The following ALDH7A1 variants were observed in gnomAD, a reference collection of about 807,000 sequenced individuals.
ALDH7A1 encodes aldehyde dehydrogenase 7 family member A1, also known as alpha-aminoadipic semialdehyde dehydrogenase.
In ALDH7A1, 63 loss-of-function variants were observed where a neutral mutation model predicts 79.9. The ratio of observed to expected loss-of-function variants is 0.79; its 90% CI spans 0.64 to 0.97. The LOEUF is 0.97. Among genes scored for constraint, ALDH7A1 ranks in the 50% least tolerant of loss-of-function variants. The probability of loss-of-function intolerance (pLI) is 0.00; values close to 1 mark genes in which losing one functional copy is unlikely to be tolerated. For synonymous variants in ALDH7A1, 240 were observed against 231.2 expected, an observed-to-expected ratio of 1.04 and a Z score of -0.34; for missense variants, 627 against 665.2, an observed-to-expected ratio of 0.94 and a Z score of 0.63.
chr5:126,559,400 T>C, intron 10 of ALDH7A1, 66 bp from the exon 11 acceptor site: 1 of 1,187,156 alleles, frequency 8.4e-7, no homozygotes, highest in Non-Finnish European at 1.3e-6. Context: ...TGTTAGCTGG[T>C]ATAAAACAAT....
chr5:126,546,081 C>T (rs1356231119), intron 17 of ALDH7A1, among the ~76,000 whole-genome samples: 3 of 152,172 alleles, frequency 2.0e-5, no homozygotes, highest in Non-Finnish European at 4.4e-5. Flanking sequence ...AACCCCAACT[C>T]TACTAAAAAT....
chr5:126,591,826 T>C (rs1305178263), intron 3 of ALDH7A1: 1 of 151,558 alleles, frequency 6.6e-6, no homozygotes, highest in Non-Finnish European at 1.5e-5. Context: ...TAACCAATGG[T>C]GGAGACTCAG....
At chr5:126,579,813 A>G (rs1284990706) in intron 5 of ALDH7A1, among the ~76,000 whole-genome samples, 2 of 152,138 alleles carry the variant, frequency 1.3e-5, no homozygotes, top group Admixed American at 1.3e-4. Flanking sequence ...TTTTTAAATT[A>G]GCTGGGCTTG....
intron 9 of ALDH7A1, among the ~76,000 whole-genome samples, chr5:126,565,371 C>A (rs1432683713): frequency 3.7e-5 from 4 of 108,888 alleles, no homozygotes; most frequent in Non-Finnish European, 6.7e-5. Flanking sequence ...CCAGCCTGGG[C>A]AACAGAGCGT....
intron 5 of ALDH7A1, among the ~76,000 whole-genome samples, chr5:126,579,536 T>C (rs530111584): frequency 6.9e-4 from 105 of 152,252 alleles, no homozygotes; most frequent in African/African-American, 2.5e-3. Flanking sequence ...GACTATGCCT[T>C]ATAGCTCGAG....
chr5:126,560,138 T>A (rs931320251), intron 10 of ALDH7A1, among the ~76,000 whole-genome samples: 2 of 152,148 alleles, frequency 1.3e-5, no homozygotes, highest in African/African-American at 4.8e-5. Flanking sequence ...TAGTGCTCAC[T>A]AAATGCGAAC....
At chr5:126,557,024 A>G (rs1281152433) in intron 11 of ALDH7A1, among the ~76,000 whole-genome samples, 2 of 152,234 alleles carry the variant, frequency 1.3e-5, no homozygotes. Flanking sequence ...GCTCCAAAAC[A>G]CATGAAAAAA....
intron 6 of ALDH7A1, among the ~76,000 whole-genome samples, chr5:126,576,659 C>A (rs954384889): frequency 3.3e-5 from 5 of 152,206 alleles, no homozygotes; most frequent in Non-Finnish European, 7.3e-5. Flanking sequence ...GGTGCAATGG[C>A]TAATACCTGT....
intron 9 of ALDH7A1, among the ~76,000 whole-genome samples, chr5:126,567,454 A>G (rs892579957): frequency 3.3e-5 from 5 of 152,198 alleles, no homozygotes; most frequent in Non-Finnish European, 7.3e-5. Flanking sequence ...ACCCATTTAG[A>G]GAGAAAATGA....
chr5:126,563,806 T>G (rs1412189545), intron 9 of ALDH7A1, among the ~76,000 whole-genome samples: 1 of 151,818 alleles, frequency 6.6e-6, no homozygotes, highest in East Asian at 1.9e-4. Context: ...TTTTTTTTTC[T>G]TTCTTTCTTT....
At chr5:126,563,818 T>C (rs895535469) in intron 9 of ALDH7A1, among the ~76,000 whole-genome samples, 1 of 152,000 alleles carries the variant, frequency 6.6e-6, no homozygotes, top group Non-Finnish European at 1.5e-5. Flanking sequence ...TCTTTCTTTT[T>C]TCAAGAGTCA....
At chr5:126,552,718 G>A (rs1042476263) in intron 13 of ALDH7A1, among the ~76,000 whole-genome samples, 1 of 151,726 alleles carries the variant, frequency 6.6e-6, no homozygotes, top group Non-Finnish European at 1.5e-5. Flanking sequence ...TTTATATGTG[G>A]GGGGTTTTTT....
At chr5:126,571,082 C>G in intron 7 of ALDH7A1, 2 of 490,774 alleles carry the variant, frequency 4.1e-6, no homozygotes, top group Non-Finnish European at 7.5e-6. Context: ...GTCCTTCTGT[C>G]CTCAAACATT....
intron 12 of ALDH7A1, chr5:126,554,726 G>A: frequency 2.7e-6 from 1 of 373,894 alleles, no homozygotes; most frequent in Non-Finnish European, 5.1e-6. Context: ...TAAAGGAATG[G>A]CTATCAATTA....
At chr5:126,593,457 T>C in intron 1 of ALDH7A1, 53 bp from the exon 2 acceptor site, 1 of 1,610,096 alleles carries the variant, frequency 6.2e-7, no homozygotes, top group Admixed American at 1.7e-5. Context: ...CCTTTTGAAG[T>C]AAGGGAATAG....
At chr5:126,564,819 C>T (rs1317507837) in intron 9 of ALDH7A1, among the ~76,000 whole-genome samples, 2 of 152,146 alleles carry the variant, frequency 1.3e-5, no homozygotes, top group African/African-American at 4.8e-5. Context: ...TGATGTTTGG[C>T]AGAAGAGGAG....
chr5:126,548,880 T>G (rs1581355536), intron 16 of ALDH7A1, among the ~76,000 whole-genome samples: 2 of 123,238 alleles, frequency 1.6e-5, no homozygotes, highest in East Asian at 2.2e-4. Context: ...GGCAACATAG[T>G]GAGGGCCTGT....
At chr5:126,567,478 CTTTTTT>C (rs768446830) in intron 9 of ALDH7A1, among the ~76,000 whole-genome samples, 49 of 146,102 alleles carry the variant, frequency 3.4e-4, no homozygotes, top group Admixed American at 1.4e-4. Context: ...CCTTTCATAA[CTTTTTT>C]TTTTTTTTAG....
intron 17 of ALDH7A1, 72 bp from the exon 18 acceptor site, chr5:126,545,091 T>G: frequency 8.7e-7 from 1 of 1,147,754 alleles, no homozygotes; most frequent in Non-Finnish European, 1.3e-6. Context: ...ACTTTTAAAA[T>G]GTAGCAGATC....
Sources: allele counts gnomAD v4.1 joint callset (sites outside exome capture counted in the v4.1 genomes callset), GRCh38; gene constraint gnomAD v4.1.1; transcripts MANE v1.5; gene names NCBI Gene and HGNC (gene_info 2026-07-23, HGNC 2026-07-21).